Variants in DDC observed in about 807,000 individuals in gnomAD.
DDC encodes aromatic-L-amino-acid decarboxylase.
DDC carries 43 observed loss-of-function variants against 60.0 expected under a neutral mutation model. The ratio of observed to expected loss-of-function variants is 0.72; its 90% CI spans 0.56 to 0.92. The LOEUF is 0.92. Ranked by LOEUF, DDC falls within the 40% of genes least tolerant of loss-of-function variation. DDC has a pLI of 0.00. For synonymous variants in DDC, 232 were observed against 234.6 expected, an observed-to-expected ratio of 0.99 and a Z score of 0.10; for missense variants, 573 against 620.2, an observed-to-expected ratio of 0.92 and a Z score of 0.81.
intron 1 of DDC, among the ~76,000 whole-genome samples, chr7:50,549,401 C>T (rs566569642): frequency 1.3e-5 from 2 of 152,172 alleles, no homozygotes; most frequent in Middle Eastern, 3.4e-3. Context: ...TCCTGTAATC[C>T]CAGCACTTTG....
chr7:50,495,262 C>T (rs2153538951), intron 9 of DDC, 88 bp downstream of exon 9: 2 of 920,502 alleles, frequency 2.2e-6, no homozygotes, highest in African/African-American at 1.6e-5. Context: ...GTGACTATTG[C>T]ACCCCTTTGG....
chr7:50,483,147 G>GAACCAT, intron 9 of DDC, among the ~76,000 whole-genome samples: 1 of 151,870 alleles, frequency 6.6e-6, no homozygotes, highest in African/African-American at 2.4e-5. Context: ...ATGTTTTTTG[G>GAACCAT]TAGTTACCTT....
At chr7:50,526,963 G>A (rs538905883) in intron 6 of DDC, among the ~76,000 whole-genome samples, 5 of 152,170 alleles carry the variant, frequency 3.3e-5, no homozygotes, top group African/African-American at 1.2e-4. Flanking sequence ...TTCAAAATAT[G>A]TACACAATTT....
chr7:50,520,751 TA>T (rs1345185274), intron 6 of DDC, among the ~76,000 whole-genome samples: 1 of 151,942 alleles, frequency 6.6e-6, no homozygotes, highest in Non-Finnish European at 1.5e-5. Context: ...CCATCTCTAC[TA>T]AAAATACAAA....
At position 50,460,424 on chromosome 7, in the gene DDC, C is replaced by A. The variant is rs1401831077; in HGVS notation, c.*19-1581G>T. Reference sequence around the variant, plus strand: ...GGAGGAAGGTGGGGGGGTCAGCCCCCTGCCCGGCCAGCCGCCCCGTCCGGC... The same window carrying A: ...GGAGGAAGGTGGGGGGGTCAGCCCCATGCCCGGCCAGCCGCCCCGTCCGGC... On this transcript the variant is annotated intron_variant, in intron 14 of 14. Transcript: ENST00000444124. Among the ~76,000 whole-genome samples the A allele has an allele frequency of 2.0e-5, 3 of 148,612 alleles. No individual in the cohort carries two copies. In the East Asian group the frequency reaches 6.0e-4, roughly 30 times the overall value.
chr7:50,548,649 G>A lies in DDC; in HGVS notation c.-28-4536C>T, dbSNP rs906291734. Among the ~76,000 whole-genome samples, 5 of 152,324 alleles carry A rather than the reference G, an allele frequency of 3.3e-5. No homozygotes were observed. The East Asian group carries it at 9.6e-4, about 29-fold the overall frequency. On this transcript the variant is annotated intron_variant, in intron 1 of 14. Coordinates refer to ENST00000444124, the MANE Select transcript of DDC (RefSeq NM_001082971.2). Reference sequence around the variant, plus strand: ...TTGTTCATGAGGTTTATGGAAAGAAGCTGTCTCCATTACATAGAAGTGCAA... The same window carrying A: ...TTGTTCATGAGGTTTATGGAAAGAAACTGTCTCCATTACATAGAAGTGCAA...
At chr7:50,556,041 G>A (rs73342848) in intron 1 of DDC, among the ~76,000 whole-genome samples, 11,334 of 152,240 alleles carry the variant, frequency 0.074, 793 homozygotes, top group African/African-American at 0.19. Flanking sequence ...GCCTACTGAG[G>A]ACCACAGGGG....
At chr7:50,543,498 G>A (rs2044701089) in intron 2 of DDC, 2 of 342,500 alleles carry the variant, frequency 5.8e-6, no homozygotes, top group Non-Finnish European at 5.7e-6. Context: ...CCCAAGGATG[G>A]TGGAAGTGTG....
chr7:50,491,248 A>G (rs922737447), intron 9 of DDC, among the ~76,000 whole-genome samples: 5 of 152,228 alleles, frequency 3.3e-5, no homozygotes, highest in African/African-American at 7.2e-5. Context: ...GCCTACTGAC[A>G]TAGGGACTTC....
intron 9 of DDC, among the ~76,000 whole-genome samples, chr7:50,490,894 T>C (rs544240910): frequency 9.7e-4 from 148 of 152,332 alleles, no homozygotes; most frequent in Non-Finnish European, 1.8e-3. Context: ...TTGGCCCTAT[T>C]ATAATCTTGT....
chr7:50,551,890 C>T (rs1344766498), intron 1 of DDC, among the ~76,000 whole-genome samples: 2 of 151,938 alleles, frequency 1.3e-5, no homozygotes, highest in Non-Finnish European at 2.9e-5. Flanking sequence ...ATCTATTTGC[C>T]CTCCTGGGGG....
At chr7:50,509,666 A>G (rs1245036082) in intron 6 of DDC, among the ~76,000 whole-genome samples, 1 of 152,238 alleles carries the variant, frequency 6.6e-6, no homozygotes, top group African/African-American at 2.4e-5. Context: ...TGAATGAATG[A>G]ATGAATGAAT....
intron 1 of DDC, among the ~76,000 whole-genome samples, chr7:50,545,152 T>C (rs11575280): frequency 0.011 from 1,750 of 152,320 alleles, 144 homozygotes; most frequent in Admixed American, 0.11. Context: ...TTATGAGAGC[T>C]GACGCAAGAA....
Position 50,465,649 on chromosome 7 carries a change from G to A in DDC, c.1242+1565C>T, listed in dbSNP as rs188723881. On this transcript the variant is annotated intron_variant, in intron 13 of 14. Coordinates refer to ENST00000444124, the MANE Select transcript of DDC (RefSeq NM_001082971.2). ...GGCCTCCCAAAATGCTGGGATTACA[G>A]GCGTGAGCCACCACGCCCAGCCCAA... Among the ~76,000 whole-genome samples, 375 of 152,318 alleles carry A rather than the reference G, an allele frequency of 2.5e-3. 1 individual carries two copies. Among genetic ancestry groups the A allele is most frequent in the Non-Finnish European group, 3.9e-3 (267 of 68,024 alleles).
chr7:50,512,827 C>A (rs2043617648), intron 6 of DDC, among the ~76,000 whole-genome samples: 3 of 152,154 alleles, frequency 2.0e-5, no homozygotes, highest in Admixed American at 6.5e-5. Context: ...TTTAAGGATA[C>A]AGACAGTGTG....
chr7:50,462,499 T>A (rs1361219751), intron 14 of DDC, among the ~76,000 whole-genome samples: 1 of 152,190 alleles, frequency 6.6e-6, no homozygotes, highest in Non-Finnish European at 1.5e-5. Flanking sequence ...AACATATCCT[T>A]TCTTCAAACC....
intron 6 of DDC, among the ~76,000 whole-genome samples, chr7:50,513,876 C>T (rs941931232): frequency 1.3e-4 from 19 of 151,968 alleles, no homozygotes; most frequent in African/African-American, 3.9e-4. Flanking sequence ...GCCTGGTGGT[C>T]GGTCCCTACC....
At chr7:50,507,194 T>C (rs926617623) in intron 6 of DDC, among the ~76,000 whole-genome samples, 2 of 152,244 alleles carry the variant, frequency 1.3e-5, no homozygotes, top group African/African-American at 4.8e-5. Context: ...AGCAATTCCT[T>C]CTGTTTCATC....
Position 50,499,227 on chromosome 7 carries a change from A to G in DDC, c.797T>C (p.Ile266Thr). 1 of 1,613,294 alleles carries G rather than the reference A, an allele frequency of 6.2e-7. No individual in the cohort carries two copies. The highest frequency in any genetic ancestry group is 2.2e-5 in the East Asian group (1 of 44,882). ...GTAGGCTGCATCAACGTGCAGCCAT[A>G]TGTCTTCCTTGTTGCCTAAAGTTCA... is the stretch of plus-strand genomic sequence containing the variant. ...EVGPICNKED[I>T]WLHVDAAYAG... The change falls in exon 8 of 15, where the codon ATA (isoleucine) becomes ACA (threonine). Residue 266 changes from isoleucine (I) to threonine (T), a missense_variant. Coordinates refer to ENST00000444124, the MANE Select transcript of DDC (RefSeq NM_001082971.2).
Sources: allele counts gnomAD v4.1 joint callset (sites outside exome capture counted in the v4.1 genomes callset), GRCh38; gene constraint gnomAD v4.1.1; transcripts MANE v1.5; gene names NCBI Gene and HGNC (gene_info 2026-07-23, HGNC 2026-07-21).